The following USP40 variants were observed in gnomAD, a reference collection of about 807,000 sequenced individuals.
USP40 encodes ubiquitin specific peptidase 40, also known as ubiquitin carboxyl-terminal hydrolase 40.
Under a neutral mutation model 166.2 loss-of-function variants are expected in USP40, and 143 were observed. That is an observed-to-expected ratio of 0.86 (90% CI 0.75 to 0.99). The LOEUF (loss-of-function observed/expected upper bound fraction) is 0.99, where lower values mean the gene tolerates loss of function less well. Among genes scored for constraint, USP40 ranks in the 50% least tolerant of loss-of-function variants. USP40 has a pLI of 0.00. For synonymous variants in USP40, 498 were observed against 524.0 expected, an observed-to-expected ratio of 0.95 and a Z score of 0.68; for missense variants, 1,444 against 1,479.7, an observed-to-expected ratio of 0.98 and a Z score of 0.40.
intron 18 of USP40, among the ~76,000 whole-genome samples, chr2:233,517,196 G>T (rs1045983643): frequency 6.6e-6 from 1 of 152,112 alleles, no homozygotes; most frequent in Admixed American, 6.5e-5. Context: ...TGGATATGGT[G>T]ATTAGGGAAC....
At chr2:233,525,400 A>T in intron 14 of USP40, 78 bp downstream of exon 14, 1 of 1,021,386 alleles carries the variant, frequency 9.8e-7, no homozygotes, top group East Asian at 2.4e-5. Context: ...GGACTGACAA[A>T]GAGTAGAAAA....
Position 233,544,304 on chromosome 2 carries a change from C to T in USP40, c.967-1941G>A, listed in dbSNP as rs146056546. 1.1e-3 allele frequency among the ~76,000 whole-genome samples: 172 copies of T among 150,774 alleles called. 3 individuals are homozygous for T. In the East Asian group the frequency reaches 0.03, roughly 26 times the overall value. On this transcript the variant is annotated intron_variant, in intron 8 of 31. Transcript: ENST00000678225. ...AGGAAACTCTGTTTCCGTGGAGTCGCGGTGGCCACCCTCCCAGCATGAAAA... is the reference window on the plus strand; with the variant it reads ...AGGAAACTCTGTTTCCGTGGAGTCGTGGTGGCCACCCTCCCAGCATGAAAA...
chr2:233,479,614 C>T (rs1019161192), intron 31 of USP40, among the ~76,000 whole-genome samples: 2 of 146,632 alleles, frequency 1.4e-5, no homozygotes, highest in African/African-American at 2.6e-5. Context: ...GTATTAGACA[C>T]GTATAGAATT....
chr2:233,498,413 A>G, intron 23 of USP40, 135 bp downstream of exon 23: 1 of 772,826 alleles, frequency 1.3e-6, no homozygotes, highest in Non-Finnish European at 2.0e-6. Context: ...GAAAAAAGTA[A>G]AATAGACCCA....
chr2:233,523,156 T>C lies in USP40; in HGVS notation c.2201+14A>G, dbSNP rs768815451. ...TGACTTTTAGAAATCCTTTTTCTCT[T>C]GTTAGCGAGTTACCTGTTATCATCA... On this transcript the variant is annotated intron_variant, in intron 16 of 31. Transcript: ENST00000678225. The C allele has an allele frequency of 1.3e-6, 2 of 1,589,326 alleles. No homozygotes were observed. Among genetic ancestry groups the C allele is most frequent in the Non-Finnish European group, 1.7e-6 (2 of 1,165,172 alleles).
At chr2:233,520,115 A>G (rs2067551140) in intron 17 of USP40, among the ~76,000 whole-genome samples, 1 of 152,152 alleles carries the variant, frequency 6.6e-6, no homozygotes, top group Non-Finnish European at 1.5e-5. Context: ...GCACTATTTA[A>G]AATTTCTGTT....
At chr2:233,539,430 A>T (rs1191235014) in intron 10 of USP40, among the ~76,000 whole-genome samples, 5 of 152,192 alleles carry the variant, frequency 3.3e-5, no homozygotes, top group Non-Finnish European at 7.3e-5. Context: ...AGTACAATGA[A>T]ATTAATTAGA....
At chr2:233,479,972 G>A (rs529062424) in intron 31 of USP40, among the ~76,000 whole-genome samples, 1 of 152,084 alleles carries the variant, frequency 6.6e-6, no homozygotes, top group East Asian at 1.9e-4. Flanking sequence ...GAGTCTCCTC[G>A]CTCGGCTCCC....
Position 233,551,502 on chromosome 2 carries a change from C to T in USP40, c.711G>A (p.Lys237=), listed in dbSNP as rs73996123. The T allele has an allele frequency of 2.3e-3, 3,637 of 1,597,460 alleles. 79 individuals carry two copies. In the African/African-American group the frequency reaches 0.043, roughly 19 times the overall value. The part of the protein sequence containing the change: ...VKAAKSAKLR[K]LPPFLTVSLL... ...ATGAAACAGTAAGAAAAGGAGGCAG[C>T]TTACGTAATTTGGCCGACTGTTAAA... is the stretch of plus-strand genomic sequence containing the variant. Residue 237 remains lysine (K), a synonymous_variant, in exon 7 of 32, where the codon AAG becomes AAA. Coordinates refer to ENST00000678225, the MANE Select transcript of USP40 (RefSeq NM_001365479.2).
chr2:233,500,968 G>A (rs2066039255), intron 21 of USP40, among the ~76,000 whole-genome samples: 1 of 152,212 alleles, frequency 6.6e-6, no homozygotes, highest in South Asian at 2.1e-4. Flanking sequence ...GTAACCAAGG[G>A]GGATTGTTAA....
intron 15 of USP40, 40 bp from the exon 16 acceptor site, chr2:233,523,529 T>G: frequency 6.5e-7 from 1 of 1,548,604 alleles, no homozygotes; most frequent in Non-Finnish European, 8.8e-7. Context: ...CAGCTGATAT[T>G]TGCCAACACC....
Position 233,521,017 on chromosome 2 carries a change from C to T in USP40, c.2299G>A (p.Val767Ile). 1 of 1,613,400 alleles carries T rather than the reference C, an allele frequency of 6.2e-7. No homozygotes were observed. The highest frequency in any genetic ancestry group is 8.5e-7 in the Non-Finnish European group (1 of 1,179,636). The change falls in exon 17 of 32, where the codon GTT becomes ATT. Residue 767 changes from valine (V) to isoleucine (I), a missense_variant. Val to Ile is a conservative substitution (Grantham distance 29, BLOSUM62 3). Coordinates refer to ENST00000678225, the MANE Select transcript of USP40 (RefSeq NM_001365479.2). ...GTGTTAACAGTTGCTGATATTTTAA[C>T]TTGCTTCTCTTCAGATTCTAACTGG... ...LCQLESEEKQ[V>I]KISATVNTMV...
chr2:233,526,205 T>C (rs1479818451), intron 13 of USP40, among the ~76,000 whole-genome samples: 1 of 152,228 alleles, frequency 6.6e-6, no homozygotes, highest in East Asian at 1.9e-4. Flanking sequence ...ATTAGTTTGC[T>C]GTGAATTAAG....
At chr2:233,531,946 C>G (rs2068560815) in intron 11 of USP40, among the ~76,000 whole-genome samples, 1 of 152,182 alleles carries the variant, frequency 6.6e-6, no homozygotes, top group South Asian at 2.1e-4. Context: ...CTGTTTCACA[C>G]CGACTTCCTA....
intron 11 of USP40, 77 bp from the exon 12 acceptor site, chr2:233,529,589 G>A (rs1017371783): frequency 9.4e-7 from 1 of 1,068,544 alleles, no homozygotes; most frequent in Non-Finnish European, 1.3e-6. Context: ...TGAAGACTAG[G>A]AAGGACTGTC....
intron 18 of USP40, among the ~76,000 whole-genome samples, chr2:233,514,990 A>G (rs937091641): frequency 3.3e-5 from 5 of 152,120 alleles, no homozygotes; most frequent in Admixed American, 2.0e-4. Flanking sequence ...TGTCCTATGT[A>G]TGGAACCACA....
At chr2:233,557,048 TTC>T (rs1318000191) in intron 4 of USP40, 29 bp from the exon 5 acceptor site, 2 of 1,577,382 alleles carry the variant, frequency 1.3e-6, no homozygotes, top group Non-Finnish European at 1.7e-6. Context: ...TTAGATGTAA[TTC>T]CGGGCTTCAG....
chr2:233,561,125 C>G, intron 3 of USP40: 1 of 1,555,620 alleles, frequency 6.4e-7, no homozygotes, highest in Non-Finnish European at 8.7e-7. Flanking sequence ...TTTCTGAATA[C>G]GCTAAAACAC....
chr2:233,490,165 T>TC (rs981023371), intron 26 of USP40, among the ~76,000 whole-genome samples: 10 of 128,836 alleles, frequency 7.8e-5, no homozygotes, highest in African/African-American at 3.5e-4. Flanking sequence ...TTCTCCTTTT[T>TC]TTTTTTTTTT....
Sources: gnomAD v4.1 joint callset for allele counts (sites outside exome capture counted in the v4.1 genomes callset) on GRCh38, gnomAD v4.1.1 for gene constraint, MANE v1.5 for transcripts, NCBI Gene and HGNC (gene_info 2026-07-23, HGNC 2026-07-21) for gene names.